PRKN: variants seen among roughly 807,000 people sequenced by gnomAD.
PRKN encodes E3 ubiquitin-protein ligase parkin.
Under a neutral mutation model 59.5 loss-of-function variants are expected in PRKN, and 56 were observed. The observed-to-expected ratio is 0.94, with a 90% CI of 0.76 to 1.18. PRKN has a LOEUF of 1.18. PRKN is among the 50% of genes most tolerant of loss of function. The pLI, the probability that PRKN is intolerant of heterozygous loss-of-function variation, is 0.00. For synonymous variants in PRKN, 250 were observed against 222.1 expected (o/e 1.13, Z -1.12); for missense variants, 657 against 596.4 (o/e 1.10, Z -1.06).
chr6:162,117,153 G>C (rs1403797598), intron 4 of PRKN, among the ~76,000 whole-genome samples: 1 of 152,202 alleles, frequency 6.6e-6, no homozygotes, highest in East Asian at 1.9e-4. Context: ...GAAAGAAAAA[G>C]CTTCTTAAAG....
At position 161,994,159 on chromosome 6, in the gene PRKN, T is replaced by C. The variant is rs142318364; in HGVS notation, c.619-20742A>G. ...TCAAGTGAGATTTTTCTCAGGGATG[T>C]AAGAATGGTTGAACATAAACAGATC... On this transcript the variant is annotated intron_variant, in intron 5 of 11. Transcript: ENST00000366898. 1.9e-4 allele frequency among the ~76,000 whole-genome samples: 29 copies of C among 150,262 alleles called. No individual in the cohort carries two copies. The East Asian group carries it at 5.1e-3, about 26-fold the overall frequency.
Position 161,616,972 on chromosome 6 carries a change from G to T in PRKN, c.872-47556C>A, listed in dbSNP as rs528868477. On this transcript the variant is annotated intron_variant, in intron 7 of 11. Transcript: ENST00000366898. ...ATGGTATTTCTGGTTCTAGATCCTT[G>T]AGGAATTGCCACACTGTGTTCCACA... 1.4e-4 allele frequency among the ~76,000 whole-genome samples: 22 copies of T among 152,274 alleles called. No individual in the cohort carries two copies. In the South Asian group the frequency reaches 2.9e-3, roughly 20 times the overall value.
At chr6:162,300,653 G>C (rs1052808796) in intron 2 of PRKN, among the ~76,000 whole-genome samples, 1 of 152,018 alleles carries the variant, frequency 6.6e-6, no homozygotes, top group Non-Finnish European at 1.5e-5. Context: ...AACCTTTATC[G>C]GGCAAGCTCA....
At chr6:162,337,301 T>A (rs1015994213) in intron 2 of PRKN, among the ~76,000 whole-genome samples, 1 of 152,126 alleles carries the variant, frequency 6.6e-6, no homozygotes, top group Admixed American at 6.5e-5. Flanking sequence ...ACCTCCCCCA[T>A]CCTCACATAA....
intron 7 of PRKN, among the ~76,000 whole-genome samples, chr6:161,672,942 G>T (rs778375217): frequency 1.3e-5 from 2 of 152,094 alleles, no homozygotes. Context: ...CTACCCACCA[G>T]GCATCAAATG....
At position 161,878,859 on chromosome 6, in the gene PRKN, A is replaced by G. The variant is rs185660705; in HGVS notation, c.735-92951T>C. Among the ~76,000 whole-genome samples the G allele has an allele frequency of 3.3e-5, 5 of 152,290 alleles. No individual in the cohort carries two copies. The East Asian group carries it at 9.6e-4, about 29-fold the overall frequency. On this transcript the variant is annotated intron_variant, in intron 6 of 11. Coordinates refer to ENST00000366898, the MANE Select transcript of PRKN (RefSeq NM_004562.3). ...AGATATGGATGCATTTCTAATAGGT[A>G]TATAGTTGTGAATGGAATTGAAAGG...
intron 1 of PRKN, among the ~76,000 whole-genome samples, chr6:162,591,895 A>G (rs1189247359): frequency 1.3e-5 from 2 of 151,898 alleles, no homozygotes; most frequent in African/African-American, 4.8e-5. Context: ...ACTGCTAGAA[A>G]AAAAAAAAAA....
intron 1 of PRKN, among the ~76,000 whole-genome samples, chr6:162,688,489 CAA>C: frequency 6.6e-6 from 1 of 152,202 alleles, no homozygotes; most frequent in East Asian, 1.9e-4. Context: ...AGATAACTAA[CAA>C]AATTGAAAAA....
intron 1 of PRKN, among the ~76,000 whole-genome samples, chr6:162,600,424 A>T (rs1781660051): frequency 6.6e-6 from 1 of 152,230 alleles, no homozygotes; most frequent in Non-Finnish European, 1.5e-5. Flanking sequence ...TGAATAAAGA[A>T]GATGTGAACA....
intron 6 of PRKN, among the ~76,000 whole-genome samples, chr6:161,914,901 G>T (rs1778498228): frequency 1.3e-5 from 2 of 152,118 alleles, no homozygotes; most frequent in African/African-American, 4.8e-5. Flanking sequence ...AAGTGCTTAA[G>T]GAACTCTAGG....
chr6:162,115,002 C>T (rs762088865), intron 4 of PRKN, among the ~76,000 whole-genome samples: 64 of 151,718 alleles, frequency 4.2e-4, no homozygotes, highest in Admixed American at 7.9e-4. Flanking sequence ...TGGGTATATA[C>T]CCAAAGGACT....
chr6:162,614,030 A>C (rs1056807665), intron 1 of PRKN, among the ~76,000 whole-genome samples: 1 of 152,158 alleles, frequency 6.6e-6, no homozygotes, highest in African/African-American at 2.4e-5. Flanking sequence ...GGAATAAATG[A>C]CAATTATTTA....
chr6:161,425,587 T>C (rs1030465991), intron 9 of PRKN, among the ~76,000 whole-genome samples: 2 of 152,186 alleles, frequency 1.3e-5, no homozygotes, highest in African/African-American at 2.4e-5. Flanking sequence ...TTTTCATTTC[T>C]GATGCACCAG....
chr6:162,722,786 G>A (rs1024540284), intron 1 of PRKN, among the ~76,000 whole-genome samples: 1 of 152,000 alleles, frequency 6.6e-6, no homozygotes. Flanking sequence ...GAAACTATGA[G>A]GTTTCAAAAA....
chr6:162,325,087 T>A (rs1783206117), intron 2 of PRKN, among the ~76,000 whole-genome samples: 1 of 152,148 alleles, frequency 6.6e-6, no homozygotes, highest in Non-Finnish European at 1.5e-5. Context: ...TAACATTATT[T>A]TAAAATTAAA....
chr6:162,651,168 T>C (rs1490830816), intron 1 of PRKN, among the ~76,000 whole-genome samples: 1 of 152,208 alleles, frequency 6.6e-6, no homozygotes, highest in Non-Finnish European at 1.5e-5. Flanking sequence ...AAACACTGTG[T>C]TTCCTTCTGA....
chr6:161,423,778 T>C lies in PRKN; in HGVS notation c.1084-36901A>G, dbSNP rs1480513501. Among the ~76,000 whole-genome samples, 3 of 152,194 alleles carry C rather than the reference T, an allele frequency of 2.0e-5. No individual in the cohort carries two copies. In the East Asian group the frequency reaches 5.8e-4, roughly 29 times the overall value. Reference sequence around the variant, plus strand: ...ACCACTATCATCTTTCTCCACCATTTGTCTAGAAGAGGGAGGGGACTCTGC... The same window carrying C: ...ACCACTATCATCTTTCTCCACCATTCGTCTAGAAGAGGGAGGGGACTCTGC... On this transcript the variant is annotated intron_variant, in intron 9 of 11. Coordinates refer to ENST00000366898, the MANE Select transcript of PRKN (RefSeq NM_004562.3). The surrounding 1 kb of genome is among the most constrained non-coding windows in gnomAD (Gnocchi z 5.9).
chr6:162,366,867 C>T (rs1785467684), intron 2 of PRKN, among the ~76,000 whole-genome samples: 1 of 152,004 alleles, frequency 6.6e-6, no homozygotes, highest in African/African-American at 2.4e-5. Flanking sequence ...CCATTCCATG[C>T]CAGCCTGGGC....
chr6:161,847,455 C>T (rs1793247251), intron 6 of PRKN, among the ~76,000 whole-genome samples: 1 of 152,228 alleles, frequency 6.6e-6, no homozygotes, highest in Admixed American at 6.5e-5. Flanking sequence ...AGGTTGCAGA[C>T]ATCCTCTCCC....
Sources: gnomAD v4.1 joint callset for allele counts (sites outside exome capture counted in the v4.1 genomes callset) on GRCh38, gnomAD v4.1.1 for gene constraint, Gnocchi (gnomAD v3.1) non-coding constraint, MANE v1.5 for transcripts, NCBI Gene and HGNC (gene_info 2026-07-23, HGNC 2026-07-21) for gene names.